NME7: variants seen among roughly 807,000 people sequenced by gnomAD.
The protein encoded by NME7 is NME/NM23 family member 7.
NME7 carries 41 observed loss-of-function variants against 49.1 expected under a neutral mutation model. The observed-to-expected ratio is 0.83, with a 90% CI of 0.65 to 1.08. The LOEUF (loss-of-function observed/expected upper bound fraction) is 1.08, where lower values mean the gene tolerates loss of function less well. NME7 is among the 50% of genes least tolerant of loss of function. The pLI is 0.00. For missense variants in NME7, 423 were observed against 463.4 expected (o/e 0.91, Z 0.80); for synonymous variants, 139 against 150.6 (o/e 0.92, Z 0.56).
At chr1:169,233,372 A>G (rs528611455) in intron 9 of NME7, among the ~76,000 whole-genome samples, 2 of 152,274 alleles carry the variant, frequency 1.3e-5, no homozygotes, top group East Asian at 3.9e-4. Flanking sequence ...GAAAATGGAT[A>G]TAAAGACTTT....
Position 169,176,781 on chromosome 1 carries a change from A to T in NME7, c.991-7227T>A, listed in dbSNP as rs555678477. Reference sequence around the variant, plus strand: ...TTCTTCAGAAGGATGAGCTCAACTAAAAAAGAAGAGTCAGAAAAATCTCTT... The same window carrying T: ...TTCTTCAGAAGGATGAGCTCAACTATAAAAGAAGAGTCAGAAAAATCTCTT... On this transcript the variant is annotated intron_variant, in intron 10 of 11. Coordinates refer to ENST00000367811, the MANE Select transcript of NME7 (RefSeq NM_013330.5). 4.1e-4 allele frequency among the ~76,000 whole-genome samples: 63 copies of T among 152,276 alleles called. 2 individuals are homozygous for T. The South Asian group carries it at 0.013, about 31-fold the overall frequency.
chr1:169,169,425 A>AT, intron 11 of NME7, 22 bp downstream of exon 11: 1 of 1,571,236 alleles, frequency 6.4e-7, no homozygotes, highest in Non-Finnish European at 8.7e-7. Context: ...TATAAATAGG[A>AT]TGTTTACCTT....
chr1:169,213,231 T>A (rs12141151), intron 10 of NME7, among the ~76,000 whole-genome samples: 57,327 of 151,984 alleles, frequency 0.38, 11,523 homozygotes, highest in East Asian at 0.79. Context: ...ATTAATATAT[T>A]TGTTGTGACC....
chr1:169,227,246 C>T (rs1647382544), intron 10 of NME7, among the ~76,000 whole-genome samples: 1 of 152,144 alleles, frequency 6.6e-6, no homozygotes, highest in African/African-American at 2.4e-5. Flanking sequence ...AACATTAGTT[C>T]CAGCAGTAAT....
intron 11 of NME7, 29 bp from the exon 12 acceptor site, chr1:169,132,846 GTT>G (rs1658277470): frequency 6.2e-7 from 1 of 1,610,402 alleles, no homozygotes; most frequent in Non-Finnish European, 8.5e-7. Flanking sequence ...TAATTTCTTA[GTT>G]CAGACAAATT....
chr1:169,221,007 T>C (rs1661126464), intron 10 of NME7, among the ~76,000 whole-genome samples: 1 of 152,304 alleles, frequency 6.6e-6, no homozygotes, highest in Admixed American at 6.5e-5. Context: ...TGAGATAAAA[T>C]CATAATAGAG....
rs1168541004 is a variant in NME7 at position 169,298,759 on chromosome 1, G to C, written c.445C>G (p.Leu149Val). 6.2e-7 allele frequency: 1 copy of C among 1,613,022 alleles called. No individual in the cohort carries two copies. Among genetic ancestry groups the C allele is most frequent in the Non-Finnish European group, 8.5e-7 (1 of 1,179,242 alleles). ...GGACCAGTTGTAATAAACTGGATCA[G>C]CTCACTACAAAACAGATAGAAGATT... is the stretch of plus-strand genomic sequence containing the variant. ...DHQSRPFFNE[L>V]IQFITTGPII... Residue 149 changes from leucine (L) to valine (V), a missense_variant, in exon 6 of 12, where the codon CTG (leucine) becomes GTG (valine). Leu to Val is a conservative substitution (Grantham distance 32). Transcript: ENST00000367811.
intron 10 of NME7, among the ~76,000 whole-genome samples, chr1:169,178,819 TC>T (rs1213769950): frequency 3.4e-5 from 4 of 117,064 alleles, no homozygotes; most frequent in Admixed American, 1.1e-4. Context: ...TGAAACCTCT[TC>T]TTTTTTTTTT....
At chr1:169,278,907 G>A (rs555630334) in intron 7 of NME7, among the ~76,000 whole-genome samples, 2 of 152,300 alleles carry the variant, frequency 1.3e-5, no homozygotes, top group East Asian at 3.9e-4. Flanking sequence ...CTAACAGACA[G>A]GACCCTCCGC....
At chr1:169,176,702 A>C (rs1034803100) in intron 10 of NME7, among the ~76,000 whole-genome samples, 1 of 150,844 alleles carries the variant, frequency 6.6e-6, no homozygotes, top group Non-Finnish European at 1.5e-5. Context: ...CACAGGTGTT[A>C]CTTTTAAAAG....
intron 1 of NME7, among the ~76,000 whole-genome samples, chr1:169,353,005 A>G (rs1653235540): frequency 1.3e-5 from 2 of 152,112 alleles, no homozygotes; most frequent in Admixed American, 6.6e-5. Flanking sequence ...TGCAATCACT[A>G]TCAAAATATC....
chr1:169,227,877 G>A (rs56084204), intron 10 of NME7, among the ~76,000 whole-genome samples: 9,466 of 152,086 alleles, frequency 0.062, 375 homozygotes, highest in Non-Finnish European at 0.096. Context: ...TAGAGTACCC[G>A]CAAATATCTA....
At chr1:169,282,486 G>C (rs1442324796) in intron 7 of NME7, among the ~76,000 whole-genome samples, 1 of 151,982 alleles carries the variant, frequency 6.6e-6, no homozygotes, top group Non-Finnish European at 1.5e-5. Context: ...CATGTCTTCT[G>C]CTAGCTTTTG....
intron 4 of NME7, among the ~76,000 whole-genome samples, chr1:169,308,656 T>C (rs1225012228): frequency 6.6e-6 from 1 of 152,056 alleles, no homozygotes; most frequent in East Asian, 1.9e-4. Context: ...ACTAGTTTTT[T>C]TTCTAAAGGA....
chr1:169,353,851 G>C lies in NME7; in HGVS notation c.3+13857C>G, dbSNP rs774153703. Among the ~76,000 whole-genome samples the C allele has an allele frequency of 3.3e-5, 5 of 151,956 alleles. No individual in the cohort carries two copies. The East Asian group carries it at 7.7e-4, about 23-fold the overall frequency. On this transcript the variant is annotated intron_variant, in intron 1 of 11. Transcript: ENST00000367811. ...AAATGCAAATCAAAACTACAATGAG[G>C]TATCACCTCACCCCATTTTAAAAAA...
At chr1:169,158,917 C>A (rs13374340) in intron 11 of NME7, among the ~76,000 whole-genome samples, 1,918 of 152,284 alleles carry the variant, frequency 0.013, 44 homozygotes, top group African/African-American at 0.042. Flanking sequence ...GCCTCTTGAC[C>A]ACCTGGAGAA....
intron 11 of NME7, among the ~76,000 whole-genome samples, chr1:169,151,732 G>A (rs1388200661): frequency 6.6e-6 from 1 of 152,182 alleles, no homozygotes; most frequent in African/African-American, 2.4e-5. Flanking sequence ...CCTGTGGGAG[G>A]CAGAGGGCCT....
chr1:169,260,348 T>C (rs1649121894), intron 7 of NME7, among the ~76,000 whole-genome samples: 2 of 133,536 alleles, frequency 1.5e-5, no homozygotes. Context: ...GATACTACCT[T>C]TTCTTTAGAA....
intron 11 of NME7, among the ~76,000 whole-genome samples, chr1:169,163,305 C>T (rs1043924297): frequency 2.0e-5 from 3 of 151,570 alleles, no homozygotes; most frequent in Non-Finnish European, 4.4e-5. Context: ...AATGACATCT[C>T]GTATGAGTAA....
Sources: gnomAD v4.1 joint callset for allele counts (sites outside exome capture counted in the v4.1 genomes callset) on GRCh38, gnomAD v4.1.1 for gene constraint, MANE v1.5 for transcripts, NCBI Gene and HGNC (gene_info 2026-07-23, HGNC 2026-07-21) for gene names.